PHF20: variants seen among roughly 807,000 people sequenced by gnomAD.
The protein encoded by PHF20 is glioma-expressed antigen 2.
A neutral mutation model predicts 113.5 loss-of-function variants in PHF20; 23 were observed. The observed-to-expected ratio is 0.20, with a 90% CI of 0.15 to 0.29. The LOEUF (loss-of-function observed/expected upper bound fraction) is 0.29. PHF20 is among the 10% of genes least tolerant of loss of function. The probability of loss-of-function intolerance (pLI) is 1.00; values close to 1 mark genes in which losing one functional copy is unlikely to be tolerated. For synonymous variants in PHF20, 434 were observed against 457.3 expected, an observed-to-expected ratio of 0.95 and a Z score of 0.65; for missense variants, 943 against 1,219.6, an observed-to-expected ratio of 0.77 and a Z score of 3.38.
At position 35,822,418 on chromosome 20, in the gene PHF20, C is replaced by T. The variant is rs1201951988; in HGVS notation, c.84-20155C>T. On this transcript the variant is annotated intron_variant, in intron 2 of 17. Coordinates refer to ENST00000374012, the MANE Select transcript of PHF20 (RefSeq NM_016436.5). ...TGTGCTTGGGTAACAGAGCAAGACC[C>T]TGTTTCAAAAAAAAAAAGAAAAAAA... Among the ~76,000 whole-genome samples, 3 of 148,996 alleles carry T rather than the reference C, an allele frequency of 2.0e-5. No individual in the cohort carries two copies. In the East Asian group the frequency reaches 5.8e-4, roughly 29 times the overall value.
chr20:35,772,865 A>G (rs2041092495), intron 1 of PHF20, among the ~76,000 whole-genome samples: 1 of 152,136 alleles, frequency 6.6e-6, no homozygotes, highest in Admixed American at 6.5e-5. Flanking sequence ...CCCCTTTTCC[A>G]GGTCCCAAAT....
chr20:35,899,129 G>A (rs1016710393), intron 9 of PHF20, among the ~76,000 whole-genome samples: 2 of 151,854 alleles, frequency 1.3e-5, no homozygotes, highest in Non-Finnish European at 2.9e-5. Context: ...AAACTTGTAC[G>A]ACTGTTTAAA....
intron 14 of PHF20, chr20:35,928,561 A>T (rs766503258): frequency 3.3e-5 from 5 of 152,126 alleles, no homozygotes; most frequent in Non-Finnish European, 5.9e-5. Flanking sequence ...GCCTGATTGA[A>T]GCTGTGTAGA....
At chr20:35,847,869 A>T (rs1207769945) in intron 4 of PHF20, among the ~76,000 whole-genome samples, 1 of 152,202 alleles carries the variant, frequency 6.6e-6, no homozygotes, top group Admixed American at 6.5e-5. Flanking sequence ...GCTAGTGGAA[A>T]CTGGGATGCC....
intron 15 of PHF20, among the ~76,000 whole-genome samples, chr20:35,932,075 T>C (rs975293263): frequency 1.3e-5 from 2 of 151,576 alleles, no homozygotes; most frequent in Non-Finnish European, 3.0e-5. Context: ...TGAGTGTTTT[T>C]TTTTTTTTTT....
chr20:35,930,393 C>T (rs1048959265), intron 14 of PHF20, among the ~76,000 whole-genome samples: 22 of 152,108 alleles, frequency 1.4e-4, no homozygotes, highest in Non-Finnish European at 2.9e-5. Flanking sequence ...TGATGAATGC[C>T]GTGACGGGAA....
chr20:35,871,145 C>A lies in PHF20; in HGVS notation c.1102+11C>A. The A allele has an allele frequency of 6.2e-7, 1 of 1,603,740 alleles. No homozygotes were observed. The highest frequency in any genetic ancestry group is 1.1e-5 in the South Asian group (1 of 88,742). On this transcript the variant is annotated intron_variant, in intron 8 of 17. Coordinates refer to ENST00000374012, the MANE Select transcript of PHF20 (RefSeq NM_016436.5). ...AGGAATCTGAAGAAGGTGAGTCAGT[C>A]TGTTCAGGAATTGTCTTGCCAACCT...
chr20:35,931,306 T>C lies in PHF20; in HGVS notation c.2162T>C (p.Met721Thr). ...YDKEWLSRGH[M>T]HGLAFLEENY... ...AAGGAGTGGCTGAGCAGGGGACATATGCATGGCCTGGCATTTCTAGAAGAG... is the reference window on the plus strand; with the variant it reads ...AAGGAGTGGCTGAGCAGGGGACATACGCATGGCCTGGCATTTCTAGAAGAG... Residue 721 changes from methionine (M) to threonine (T), a missense_variant, in exon 15 of 18, where the codon ATG (methionine) becomes ACG (threonine). By Grantham distance (81) the Met-to-Thr change is moderately conservative. Around this residue, in one of 3 missense-constraint regions of PHF20, gnomAD observed 349 missense variants for 412.3 expected, o/e 0.85. Transcript: ENST00000374012. 1 of 1,614,128 alleles carries C rather than the reference T, an allele frequency of 6.2e-7. No homozygotes were observed. The highest frequency in any genetic ancestry group is 8.5e-7 in the Non-Finnish European group (1 of 1,180,008).
rs573028220 is a variant in PHF20, at chr20:35,862,589, C to T, written c.421-424C>T. ...CAAAAAATAACAATAAAAAACTTAG[C>T]TGGGTGTGGTGAAACATGCCTGTGG... On this transcript the variant is annotated intron_variant, in intron 5 of 17. Transcript: ENST00000374012. Among the ~76,000 whole-genome samples, 3 of 152,066 alleles carry T rather than the reference C, an allele frequency of 2.0e-5. No individual in the cohort carries two copies. In the South Asian group the frequency reaches 6.2e-4, roughly 32 times the overall value.
chr20:35,774,977 C>G (rs1214860083), intron 1 of PHF20: 1 of 152,126 alleles, frequency 6.6e-6, no homozygotes, highest in Non-Finnish European at 1.5e-5. Context: ...ATGATGTGGC[C>G]ATTAGGAAGT....
At chr20:35,813,125 G>A (rs1162972913) in intron 2 of PHF20, among the ~76,000 whole-genome samples, 1 of 151,856 alleles carries the variant, frequency 6.6e-6, no homozygotes, top group Non-Finnish European at 1.5e-5. Flanking sequence ...CCGCCACCAC[G>A]CCCGGCTAAT....
intron 10 of PHF20, among the ~76,000 whole-genome samples, chr20:35,907,088 G>A (rs1425860339): frequency 1.3e-5 from 2 of 152,164 alleles, no homozygotes; most frequent in East Asian, 3.9e-4. Flanking sequence ...AACATGCTCT[G>A]GTCAGTGCTT....
intron 2 of PHF20, among the ~76,000 whole-genome samples, chr20:35,839,727 C>G (rs1018997211): frequency 6.6e-6 from 1 of 152,104 alleles, no homozygotes; most frequent in Non-Finnish European, 1.5e-5. Context: ...TATTTTTGAG[C>G]AAGTAAGGTA....
At chr20:35,907,856 C>T (rs1056339940) in intron 10 of PHF20, among the ~76,000 whole-genome samples, 1 of 152,112 alleles carries the variant, frequency 6.6e-6, no homozygotes, top group African/African-American at 2.4e-5. Context: ...TTTTTTGCCT[C>T]GATGATCTTT....
In PHF20 at chr20:35,932,163, G is replaced by T. The variant is rs373897506; in HGVS notation, c.2300+719G>T. On this transcript the variant is annotated intron_variant, in intron 15 of 17. Coordinates refer to ENST00000374012, the MANE Select transcript of PHF20 (RefSeq NM_016436.5). ...GCTCACTGCAGCCTCCACCTCCTGG[G>T]TTCAAGCGATTCTCCCACTTCAGCC... 9.4e-5 allele frequency among the ~76,000 whole-genome samples: 14 copies of T among 148,260 alleles called. No individual in the cohort carries two copies. The East Asian group carries it at 3.0e-3, about 32-fold the overall frequency.
At chr20:35,890,962 T>C (rs6060664) in intron 9 of PHF20, among the ~76,000 whole-genome samples, 14,863 of 152,122 alleles carry the variant, frequency 0.098, 785 homozygotes, top group South Asian at 0.15. Flanking sequence ...TGGAAACATA[T>C]AGGAGAGTTG....
Position 35,927,837 on chromosome 20 carries a change from G to A in PHF20, c.2062G>A (p.Val688Met), listed in dbSNP as rs2055672347. Residue 688 changes from valine (V) to methionine (M), a missense_variant, in exon 14 of 18, where the codon GTG (valine) becomes ATG (methionine). This residue lies in a region of PHF20 where 349 missense variants were observed against 412.3 expected (regional missense o/e 0.85). Coordinates refer to ENST00000374012, the MANE Select transcript of PHF20 (RefSeq NM_016436.5). ...CTGCATGGGATTACTGGAAGAAAAT[G>A]TGCCCGAGAAATACACCTGTTATGT... ...GVCMGLLEEN[V>M]PEKYTCYVCQ... 6.2e-7 allele frequency: 1 copy of A among 1,613,938 alleles called. No individual in the cohort carries two copies. The highest frequency in any genetic ancestry group is 1.3e-5 in the African/African-American group (1 of 74,936).
At position 35,858,375 on chromosome 20, in the gene PHF20, A is replaced by G; in HGVS notation, c.414A>G (p.Lys138=). ...ATATTCATGTCAAAGCTTTTTCCAA[A>G]GATCAGGTGAGAAATGTGGTTTTGT... is the stretch of plus-strand genomic sequence containing the variant. ...VKHIHVKAFS[K]DQNIVGNARP... Residue 138 remains lysine, a synonymous_variant, in exon 5 of 18, where the codon AAA becomes AAG. Coordinates refer to ENST00000374012, the MANE Select transcript of PHF20 (RefSeq NM_016436.5). 6.4e-7 allele frequency: 1 copy of G among 1,563,026 alleles called. No homozygotes were observed. Among genetic ancestry groups the G allele is most frequent in the Middle Eastern group, 1.7e-4 (1 of 5,978 alleles).
chr20:35,891,205 G>C (rs989716965), intron 9 of PHF20, among the ~76,000 whole-genome samples: 1 of 151,856 alleles, frequency 6.6e-6, no homozygotes, highest in African/African-American at 2.4e-5. Context: ...GACGAAACCC[G>C]GTCTGTACTA....
Sources: allele counts gnomAD v4.1 joint callset (sites outside exome capture counted in the v4.1 genomes callset), GRCh38; gene constraint gnomAD v4.1.1; regional missense constraint gnomAD v4.1.1; transcripts MANE v1.5; gene names NCBI Gene and HGNC (gene_info 2026-07-23, HGNC 2026-07-21).